CTNNBIP1: variants seen among roughly 807,000 people sequenced by gnomAD.
The protein encoded by CTNNBIP1 is beta-catenin-interacting protein 1.
Under a neutral mutation model 11.8 loss-of-function variants are expected in CTNNBIP1, and 7 were observed. That is an observed-to-expected ratio of 0.60 (90% confidence interval 0.34 to 1.12). The LOEUF (loss-of-function observed/expected upper bound fraction) is 1.12. Ranked by LOEUF, CTNNBIP1 falls within the 50% of genes most tolerant of loss-of-function variation. CTNNBIP1 has a pLI of 0.03. For synonymous variants in CTNNBIP1, 58 were observed against 43.9 expected, an observed-to-expected ratio of 1.32 and a Z score of -1.26; for missense variants, 101 against 113.4, an observed-to-expected ratio of 0.89 and a Z score of 0.50.
chr1:9,903,821 G>T (rs562223500), intron 1 of CTNNBIP1, among the ~76,000 whole-genome samples: 1 of 152,220 alleles, frequency 6.6e-6, no homozygotes, highest in African/African-American at 2.4e-5. Flanking sequence ...ACCTACATTG[G>T]GCTTAAGGGA....
chr1:9,865,889 C>T (rs1286315479), intron 5 of CTNNBIP1, among the ~76,000 whole-genome samples: 2 of 152,182 alleles, frequency 1.3e-5, no homozygotes, highest in African/African-American at 4.8e-5. Context: ...GAAGCCTGGA[C>T]TCAGCACTCC....
chr1:9,856,960 T>A (rs1638516316), intron 5 of CTNNBIP1, among the ~76,000 whole-genome samples: 1 of 151,022 alleles, frequency 6.6e-6, no homozygotes, highest in African/African-American at 2.4e-5. Flanking sequence ...CAGTCTCTAC[T>A]AAAAATAAAA....
Position 9,883,295 on chromosome 1 carries a change from TG to T in CTNNBIP1, c.-110+409del, listed in dbSNP as rs1461621368. Among the ~76,000 whole-genome samples the T allele has an allele frequency of 6.6e-6, 1 of 152,012 alleles. No homozygotes were observed. Among genetic ancestry groups the T allele is most frequent in the Non-Finnish European group, 1.5e-5 (1 of 67,992 alleles). On this transcript the variant is annotated intron_variant, in intron 2 of 5. Coordinates refer to ENST00000377263, the MANE Select transcript of CTNNBIP1 (RefSeq NM_020248.3). The surrounding 1 kb of genome is among the most constrained non-coding windows in gnomAD (Gnocchi z 5.6). The stretch of plus-strand genomic sequence containing the variant: ...TGTGTGAGATGTGTGGAAGGGCAGG[TG>T]GGACACCACAGGCAGGACCTCACGA...
Position 9,883,458 on chromosome 1 carries a change from C to T in CTNNBIP1, c.-110+247G>A, listed in dbSNP as rs138532189. On this transcript the variant is annotated intron_variant, in intron 2 of 5. Transcript: ENST00000377263. This position sits in a 1 kb window ranked among gnomAD's most constrained non-coding sequence, Gnocchi z 5.6. ...CTGCCCCATCCCATGTCTACTCAGG[C>T]CCCACAGGCTCCTGTCCCCATCACA... is the stretch of plus-strand genomic sequence containing the variant. 3.6e-3 allele frequency among the ~76,000 whole-genome samples: 553 copies of T among 152,274 alleles called. 10 individuals carry two copies. The highest frequency in any genetic ancestry group is 0.018 in the Admixed American group (275 of 15,302).
rs572967343 is a variant in CTNNBIP1 at position 9,851,067 on chromosome 1, G to T, written c.188-291C>A. ...CAGGTGAGCCATGACGAGGCCCCAG[G>T]TGACCTGGAGCAGGGCTCAGCGCTG... On this transcript the variant is annotated intron_variant, in intron 5 of 5. Transcript: ENST00000377263. The surrounding 1 kb of genome is among the most constrained non-coding windows in gnomAD (Gnocchi z 4.8). Among the ~76,000 whole-genome samples, 3 of 152,342 alleles carry T rather than the reference G, an allele frequency of 2.0e-5. No homozygotes were observed. The highest frequency in any genetic ancestry group is 7.2e-5 in the African/African-American group (3 of 41,592).
intron 1 of CTNNBIP1, among the ~76,000 whole-genome samples, chr1:9,891,028 T>A (rs190511217): frequency 7.2e-5 from 11 of 152,054 alleles, no homozygotes; most frequent in African/African-American, 2.7e-4. Flanking sequence ...GGAAGCTCCA[T>A]CAATCCCGCT....
At chr1:9,902,096 C>T (rs190746833) in intron 1 of CTNNBIP1, among the ~76,000 whole-genome samples, 1 of 152,198 alleles carries the variant, frequency 6.6e-6, no homozygotes, top group East Asian at 1.9e-4. Flanking sequence ...AAGAACCCTG[C>T]CCCCACTCTA....
In CTNNBIP1 at chr1:9,871,911, CCCCTCCCTGGGAGA is replaced by C; in HGVS notation, c.96+44_96+57del. 10 of 1,461,120 alleles carry C rather than the reference CCCCTCCCTGGGAGA, an allele frequency of 6.8e-6. No homozygotes were observed. In the South Asian group the frequency reaches 9.1e-5, roughly 13 times the overall value. 90.5% of individuals were successfully genotyped at this position (1,461,120 alleles called of 1,614,324 possible). A position where few individuals can be genotyped will look rare whatever the true frequency, so the allele number is the denominator to read the frequency against. ...TCCACCCTCCAATAGCCCAGCAGGG[CCCCTCCCTGGGAGA>C]CCCTCCCTGGGGGCCCGCTGCCTGA... is the stretch of plus-strand genomic sequence containing the variant. On this transcript the variant is annotated intron_variant, in intron 4 of 5. Transcript: ENST00000377263. The surrounding 1 kb of genome is among the most constrained non-coding windows in gnomAD (Gnocchi z 5.2).
chr1:9,872,173 C>G lies in CTNNBIP1; in HGVS notation c.-24-85G>C. The G allele has an allele frequency of 1.2e-6, 1 of 817,486 alleles. No homozygotes were observed. The highest frequency in any genetic ancestry group is 2.0e-6 in the Non-Finnish European group (1 of 493,134). 50.6% of individuals were successfully genotyped at this position (817,486 alleles called of 1,614,324 possible). A position where few individuals can be genotyped will look rare whatever the true frequency, so the allele number is the denominator to read the frequency against. Reference sequence around the variant, plus strand: ...TGACACCTGCTAGTGACCCTCACTCCTCCCAGGAGCCGCTTTCCACCCACA... The same window carrying G: ...TGACACCTGCTAGTGACCCTCACTCGTCCCAGGAGCCGCTTTCCACCCACA... On this transcript the variant is annotated intron_variant, in intron 3 of 5. Transcript: ENST00000377263. This position sits in a 1 kb window ranked among gnomAD's most constrained non-coding sequence, Gnocchi z 4.0.
At chr1:9,885,952 A>AT (rs1410881963) in intron 1 of CTNNBIP1, among the ~76,000 whole-genome samples, 1 of 151,824 alleles carries the variant, frequency 6.6e-6, no homozygotes, top group Non-Finnish European at 1.5e-5. Context: ...AAAAAAAAAA[A>AT]GCACTTGGCC....
chr1:9,868,811 T>G (rs1229000474), intron 5 of CTNNBIP1, among the ~76,000 whole-genome samples: 1 of 152,188 alleles, frequency 6.6e-6, no homozygotes, highest in Non-Finnish European at 1.5e-5. Context: ...AATTTTTGTA[T>G]TTTTAATAGA....
chr1:9,906,233 G>A (rs1639616997), intron 1 of CTNNBIP1, among the ~76,000 whole-genome samples: 1 of 152,166 alleles, frequency 6.6e-6, no homozygotes, highest in Non-Finnish European at 1.5e-5. Context: ...AAACCTGATG[G>A]TCTTGGTACA....
intron 3 of CTNNBIP1, among the ~76,000 whole-genome samples, chr1:9,875,093 C>G (rs746796315): frequency 6.6e-6 from 1 of 152,158 alleles, no homozygotes; most frequent in Non-Finnish European, 1.5e-5. Context: ...CTCCCCACCC[C>G]CAGCAGGTTC....
chr1:9,864,586 CGAAA>C (rs1638706382), intron 5 of CTNNBIP1, among the ~76,000 whole-genome samples: 1 of 152,134 alleles, frequency 6.6e-6, no homozygotes. Context: ...CCTTGGCCTC[CGAAA>C]GTGCTGAGAT....
At chr1:9,886,339 T>C (rs1316255675) in intron 1 of CTNNBIP1, among the ~76,000 whole-genome samples, 1 of 152,230 alleles carries the variant, frequency 6.6e-6, no homozygotes, top group African/African-American at 2.4e-5. Context: ...GAGGCATTCC[T>C]GGCCTCCACC....
intron 3 of CTNNBIP1, among the ~76,000 whole-genome samples, chr1:9,873,267 A>G (rs917364897): frequency 6.6e-6 from 1 of 152,042 alleles, no homozygotes; most frequent in African/African-American, 2.4e-5. Context: ...CTAAACCCCT[A>G]CAGCCCAGAC....
intron 1 of CTNNBIP1, among the ~76,000 whole-genome samples, chr1:9,901,375 G>T (rs1042003882): frequency 6.6e-6 from 1 of 152,170 alleles, no homozygotes; most frequent in African/African-American, 2.4e-5. Context: ...CTTGGTGATT[G>T]ATCAGGAAGA....
rs74428811 is a variant in CTNNBIP1, at chr1:9,883,556, C to T, written c.-110+149G>A. On this transcript the variant is annotated intron_variant, in intron 2 of 5. Transcript: ENST00000377263. This position sits in a 1 kb window ranked among gnomAD's most constrained non-coding sequence, Gnocchi z 5.6. ...ACAGGGGCTGCTTCAGTAGCTGTAA[C>T]AACCCCATGCCAGCCTGATCCAGCA... The T allele has an allele frequency of 0.14, 21,149 of 152,804 alleles. 4,348 individuals carry two copies. The highest frequency in any genetic ancestry group is 0.45 in the African/African-American group (18,518 of 41,492). 9.5% of individuals were successfully genotyped at this position (152,804 alleles called of 1,614,324 possible).
At chr1:9,864,295 G>A (rs1638695121) in intron 5 of CTNNBIP1, among the ~76,000 whole-genome samples, 1 of 152,240 alleles carries the variant, frequency 6.6e-6, no homozygotes, top group Non-Finnish European at 1.5e-5. Context: ...CCAAGTCTAG[G>A]TCTAGGCGGG....
Sources: allele counts gnomAD v4.1 joint callset (sites outside exome capture counted in the v4.1 genomes callset), GRCh38; gene constraint gnomAD v4.1.1; non-coding constraint Gnocchi (gnomAD v3.1); transcripts MANE v1.5; gene names NCBI Gene and HGNC (gene_info 2026-07-23, HGNC 2026-07-21).